FXYD2: variants seen among roughly 807,000 people sequenced by gnomAD.
FXYD2 encodes sodium/potassium-transporting ATPase subunit gamma.
Under a neutral mutation model 11.8 loss-of-function variants are expected in FXYD2, and 8 were observed. That is an observed-to-expected ratio of 0.68 (90% CI 0.40 to 1.22). FXYD2 has a LOEUF of 1.22. Among genes scored for constraint, FXYD2 ranks in the 50% most tolerant of loss-of-function variants. The pLI is 0.01. For synonymous variants in FXYD2, 42 were observed against 33.3 expected, an observed-to-expected ratio of 1.26 and a Z score of -0.90; for missense variants, 92 against 91.8, an observed-to-expected ratio of 1.00 and a Z score of -0.01.
chr11:117,821,575 C>T, intron 3 of FXYD2: 1 of 985,986 alleles, frequency 1.0e-6, no homozygotes, highest in Non-Finnish European at 1.2e-6. Flanking sequence ...CTTGCTTAGG[C>T]CACCTGCCTC....
In FXYD2 at chr11:117,820,347, C is replaced by A. The variant is rs1591531689; in HGVS notation, c.*32G>T. 2.3e-6 allele frequency: 1 copy of A among 432,836 alleles called. No individual in the cohort carries two copies. Among genetic ancestry groups the A allele is most frequent in the Non-Finnish European group, 4.1e-6 (1 of 242,730 alleles). 26.8% of individuals were successfully genotyped at this position (432,836 alleles called of 1,614,324 possible). On this transcript the variant is annotated 3_prime_UTR_variant, in exon 6 of 6. Coordinates refer to ENST00000292079, the MANE Select transcript of FXYD2 (RefSeq NM_001680.5). ...CCATGCTTGGCTTCCCAGCTGGCCC[C>A]AGTGCAGTGGGTGGCACCGCCGAGG...
upstream of FXYD2, among the ~76,000 whole-genome samples, chr11:117,825,632 A>G (rs1252557285): frequency 6.6e-6 from 1 of 152,144 alleles, no homozygotes; most frequent in Non-Finnish European, 1.5e-5. Flanking sequence ...GTGTGGGGGA[A>G]GTGGAGACTG....
upstream of FXYD2, chr11:117,827,846 T>G (rs1353369588): frequency 2.8e-6 from 2 of 710,164 alleles, no homozygotes; most frequent in Non-Finnish European, 2.6e-6. Context: ...TGACTCCGTA[T>G]GGAGATGCTC....
chr11:117,821,356 C>T lies in FXYD2; in HGVS notation c.140-461G>A, dbSNP rs2055899031. The T allele has an allele frequency of 9.1e-6, 9 of 989,538 alleles. No homozygotes were observed. In the South Asian group the frequency reaches 4.2e-4, roughly 46 times the overall value. 61.3% of individuals were successfully genotyped at this position (989,538 alleles called of 1,614,324 possible). Reference sequence around the variant, plus strand: ...CATTACAGGCATGAGCCACCACGCCCAGCCTTCTCTCTCTTTATATAAGGC... The same window carrying T: ...CATTACAGGCATGAGCCACCACGCCTAGCCTTCTCTCTCTTTATATAAGGC... On this transcript the variant is annotated intron_variant, in intron 3 of 5. Coordinates refer to ENST00000292079, the MANE Select transcript of FXYD2 (RefSeq NM_001680.5).
upstream of FXYD2, among the ~76,000 whole-genome samples, chr11:117,826,653 A>G (rs574189779): frequency 1.3e-5 from 2 of 152,112 alleles, no homozygotes; most frequent in Non-Finnish European, 2.9e-5. Context: ...ATTATACAGG[A>G]TTGTGTTATC....
Position 117,824,714 on chromosome 11 carries a change from T to C in FXYD2, c.-36A>G. 6.2e-7 allele frequency: 1 copy of C among 1,612,996 alleles called. No individual in the cohort carries two copies. Among genetic ancestry groups the C allele is most frequent in the Non-Finnish European group, 8.5e-7 (1 of 1,179,586 alleles). ...GAATGGGCTGCCTCCACTCCCCTCT[T>C]CCTGCTGTCTCTGCTTTTTGGAGAG... On this transcript the variant is annotated 5_prime_UTR_variant, in exon 1 of 6. Transcript: ENST00000292079. This position sits in a 1 kb window ranked among gnomAD's most constrained non-coding sequence, Gnocchi z 4.0.
At chr11:117,823,538 G>A (rs2055963891) in intron 1 of FXYD2, among the ~76,000 whole-genome samples, 1 of 152,218 alleles carries the variant, frequency 6.6e-6, no homozygotes, top group African/African-American at 2.4e-5. Flanking sequence ...TTAGAGGTAA[G>A]GTCCTGCCCC....
upstream of FXYD2, among the ~76,000 whole-genome samples, chr11:117,826,608 C>T (rs1226184683): frequency 1.3e-5 from 2 of 152,220 alleles, no homozygotes; most frequent in East Asian, 1.9e-4. Flanking sequence ...ACCAAAGCTA[C>T]TGCCATCTCC....
rs780734647 is a variant in FXYD2 at position 117,824,644 on chromosome 11, G to A, written c.25+10C>T. Reference sequence around the variant, plus strand: ...TGCACACGCCCGGGCACGCACACCAGCACACTCACCACCGTCCATCGACAA... The same window carrying A: ...TGCACACGCCCGGGCACGCACACCAACACACTCACCACCGTCCATCGACAA... On this transcript the variant is annotated intron_variant, in intron 1 of 5. Coordinates refer to ENST00000292079, the MANE Select transcript of FXYD2 (RefSeq NM_001680.5). This position sits in a 1 kb window ranked among gnomAD's most constrained non-coding sequence, Gnocchi z 4.0. The A allele has an allele frequency of 1.2e-6, 2 of 1,612,064 alleles. No individual in the cohort carries two copies. The highest frequency in any genetic ancestry group is 1.7e-5 in the Admixed American group (1 of 59,998).
chr11:117,825,595 G>A (rs1025716227), upstream of FXYD2, among the ~76,000 whole-genome samples: 3 of 152,206 alleles, frequency 2.0e-5, no homozygotes, highest in Non-Finnish European at 2.9e-5. Context: ...CAGAGAGGTA[G>A]GGGCCTTGCC....
At chr11:117,821,935 G>A (rs2055915279) in intron 3 of FXYD2, 6 of 1,032,184 alleles carry the variant, frequency 5.8e-6, no homozygotes, top group Non-Finnish European at 7.0e-6. Context: ...TGTGCCCCTC[G>A]GGGCTTGAGG....
In FXYD2 at chr11:117,824,448, G is replaced by A; in HGVS notation, c.25+206C>T. On this transcript the variant is annotated intron_variant, in intron 1 of 5. Transcript: ENST00000292079. This position sits in a 1 kb window ranked among gnomAD's most constrained non-coding sequence, Gnocchi z 4.0. ...TATCTGCTGCCTTTCTGCCACTCAAGCTATCTTTCTTTGGGGTTAAAGCAG... is the reference window on the plus strand; with the variant it reads ...TATCTGCTGCCTTTCTGCCACTCAAACTATCTTTCTTTGGGGTTAAAGCAG... 2 of 636,864 alleles carry A rather than the reference G, an allele frequency of 3.1e-6. No individual in the cohort carries two copies. The highest frequency in any genetic ancestry group is 3.5e-5 in the South Asian group (2 of 56,378). The allele number at this position is 636,864 out of a possible 1,614,324, so 39.5% of individuals were successfully genotyped here.
At position 117,821,587 on chromosome 11, in the gene FXYD2, T is replaced by A. The variant is rs373825817; in HGVS notation, c.140-692A>T. On this transcript the variant is annotated intron_variant, in intron 3 of 5. Coordinates refer to ENST00000292079, the MANE Select transcript of FXYD2 (RefSeq NM_001680.5). ...CCCCTTGCTTAGGCCACCTGCCTCCTGTGCCTATGTGATCAGCTGCCACCC... is the reference window on the plus strand; with the variant it reads ...CCCCTTGCTTAGGCCACCTGCCTCCAGTGCCTATGTGATCAGCTGCCACCC... 1,901 of 986,024 alleles carry A rather than the reference T, an allele frequency of 1.9e-3. 85 individuals carry two copies. The South Asian group carries it at 0.079, about 41-fold the overall frequency. 61.1% of individuals were successfully genotyped at this position (986,024 alleles called of 1,614,324 possible).
chr11:117,820,791 A>C, intron 4 of FXYD2, 68 bp downstream of exon 4: 1 of 1,613,796 alleles, frequency 6.2e-7, no homozygotes, highest in Non-Finnish European at 8.5e-7. Flanking sequence ...TGTCAGAGAC[A>C]AAATCCTCAG....
chr11:117,824,395 G>A lies in FXYD2; in HGVS notation c.25+259C>T, dbSNP rs756785491. ...CAGGGCGGGTGTGTGCCAGGAGGCCGAGGAGGAACGCTCAGCTCTCCAGCT... is the reference window on the plus strand; with the variant it reads ...CAGGGCGGGTGTGTGCCAGGAGGCCAAGGAGGAACGCTCAGCTCTCCAGCT... On this transcript the variant is annotated intron_variant, in intron 1 of 5. Coordinates refer to ENST00000292079, the MANE Select transcript of FXYD2 (RefSeq NM_001680.5). The surrounding 1 kb of genome is among the most constrained non-coding windows in gnomAD (Gnocchi z 4.0). 12 of 594,442 alleles carry A rather than the reference G, an allele frequency of 2.0e-5. No individual in the cohort carries two copies. The highest frequency in any genetic ancestry group is 3.3e-5 in the Non-Finnish European group (11 of 331,278). 36.8% of individuals were successfully genotyped at this position (594,442 alleles called of 1,614,324 possible). A position where few individuals can be genotyped will look rare whatever the true frequency, so the allele number is the denominator to read the frequency against.
At chr11:117,827,421 G>A (rs1259120254), upstream of FXYD2, among the ~76,000 whole-genome samples, 1 of 152,128 alleles carries the variant, frequency 6.6e-6, no homozygotes, top group East Asian at 1.9e-4. Context: ...GGCTAGTTTT[G>A]TATTTTTAGT....
At chr11:117,821,626 G>A (rs1379538495) in intron 3 of FXYD2, 8 of 986,014 alleles carry the variant, frequency 8.1e-6, no homozygotes, top group South Asian at 4.7e-5. Flanking sequence ...ACTGCCCTCC[G>A]GGAGCTGCCA....
chr11:117,821,989 A>T (rs949997132), intron 3 of FXYD2: 49 of 1,149,996 alleles, frequency 4.3e-5, no homozygotes, highest in Non-Finnish European at 5.2e-5. Context: ...CCGAGTCTGC[A>T]CTGGACCGTT....
chr11:117,821,634 C>T, intron 3 of FXYD2: 3 of 985,972 alleles, frequency 3.0e-6, no homozygotes, highest in Non-Finnish European at 3.6e-6. Flanking sequence ...CCGGGAGCTG[C>T]CACGGGCAAC....
Sources: gnomAD v4.1 joint callset for allele counts (sites outside exome capture counted in the v4.1 genomes callset) on GRCh38, gnomAD v4.1.1 for gene constraint, Gnocchi (gnomAD v3.1) non-coding constraint, MANE v1.5 for transcripts, NCBI Gene and HGNC (gene_info 2026-07-23, HGNC 2026-07-21) for gene names.